Variants in KLF12 observed in about 807,000 individuals in gnomAD.
KLF12 encodes the protein Krueppel-like factor 12.
Under a neutral mutation model 37.8 loss-of-function variants are expected in KLF12, and 9 were observed. The ratio of observed to expected loss-of-function variants is 0.24; its 90% CI spans 0.14 to 0.42. The LOEUF is 0.42. Among genes scored for constraint, KLF12 ranks in the 10% least tolerant of loss-of-function variants. KLF12 has a pLI of 1.00. For missense variants in KLF12, 411 were observed against 516.0 expected, an observed-to-expected ratio of 0.80 and a Z score of 1.97; for synonymous variants, 208 against 202.1, an observed-to-expected ratio of 1.03 and a Z score of -0.25.
chr13:74,224,775 T>A, the KLF12 span, among the ~76,000 whole-genome samples: 2 of 152,258 alleles, frequency 1.3e-5, no homozygotes, highest in South Asian at 4.1e-4. Context: ...AAAGAACATA[T>A]TAAATATAAG....
chr13:74,202,994 A>C, the KLF12 span, among the ~76,000 whole-genome samples: 1 of 152,298 alleles, frequency 6.6e-6, no homozygotes, highest in Middle Eastern at 3.4e-3. Context: ...TATTTGACTT[A>C]AAGTTATTTA....
chr13:74,251,219 T>G, the KLF12 span, among the ~76,000 whole-genome samples: 2 of 152,158 alleles, frequency 1.3e-5, no homozygotes, highest in Non-Finnish European at 2.9e-5. Flanking sequence ...TGGTGTTATC[T>G]GAGCTCACTG....
intron 5 of KLF12, among the ~76,000 whole-genome samples, chr13:73,788,904 T>TAAGTA (rs1206655610): frequency 7.9e-5 from 12 of 152,186 alleles, no homozygotes; most frequent in Non-Finnish European, 8.8e-5. Flanking sequence ...CACAGTATGG[T>TAAGTA]AAGTCTCAGC....
chr13:73,941,380 G>C (rs1033813140), intron 3 of KLF12, among the ~76,000 whole-genome samples: 1 of 152,122 alleles, frequency 6.6e-6, no homozygotes, highest in Non-Finnish European at 1.5e-5. Context: ...AACATAGCAA[G>C]CAAAACTCTA....
chr13:74,224,939 G>A, the KLF12 span, among the ~76,000 whole-genome samples: 1 of 152,132 alleles, frequency 6.6e-6, no homozygotes, highest in Non-Finnish European at 1.5e-5. Flanking sequence ...AGAAAAGGTA[G>A]TGCATTTTGA....
At chr13:73,708,283 A>G (rs1875100343) in intron 7 of KLF12, among the ~76,000 whole-genome samples, 1 of 152,210 alleles carries the variant, frequency 6.6e-6, no homozygotes. Flanking sequence ...ATACAGGATT[A>G]CCTACTGGGC....
the KLF12 span, among the ~76,000 whole-genome samples, chr13:74,254,913 G>A: frequency 3.3e-5 from 5 of 152,060 alleles, no homozygotes; most frequent in African/African-American, 1.2e-4. Context: ...AAGGTGAGGT[G>A]GCCATAAATG....
At chr13:73,774,916 C>CTTTTTTTTTT (rs59877053) in intron 5 of KLF12, among the ~76,000 whole-genome samples, 1 of 130,386 alleles carries the variant, frequency 7.7e-6, no homozygotes. Context: ...CTCTCGCATT[C>CTTTTTTTTTT]TTTTTTTTTT....
upstream of KLF12, among the ~76,000 whole-genome samples, chr13:74,138,579 G>T (rs12430284): frequency 3.3e-5 from 5 of 151,990 alleles, no homozygotes; most frequent in African/African-American, 1.2e-4. Context: ...ATGCCATTTC[G>T]TAACTTTGTT....
chr13:74,068,329 A>G (rs368485450), intron 1 of KLF12, among the ~76,000 whole-genome samples: 1 of 152,238 alleles, frequency 6.6e-6, no homozygotes, highest in South Asian at 2.1e-4. Context: ...TAAGGAAGCT[A>G]TCCTAATTGT....
At chr13:74,262,908 C>T in the KLF12 span, among the ~76,000 whole-genome samples, 1,377 of 152,112 alleles carry the variant, frequency 9.1e-3, 21 homozygotes, top group African/African-American at 0.031. Context: ...AATATGCATT[C>T]GTAATTTTTT....
At chr13:73,883,421 C>T (rs1249978078) in intron 3 of KLF12, among the ~76,000 whole-genome samples, 2 of 152,174 alleles carry the variant, frequency 1.3e-5, no homozygotes, top group Non-Finnish European at 2.9e-5. Context: ...AACGACACGA[C>T]ATCCAATCAA....
chr13:74,301,351 G>A, the KLF12 span, among the ~76,000 whole-genome samples: 1 of 152,038 alleles, frequency 6.6e-6, no homozygotes, highest in Non-Finnish European at 1.5e-5. Context: ...ATAAGTCAGG[G>A]CCATAATTTC....
chr13:73,817,298 AAC>A (rs1486702378), intron 4 of KLF12, among the ~76,000 whole-genome samples: 1 of 148,424 alleles, frequency 6.7e-6, no homozygotes, highest in Admixed American at 6.8e-5. Flanking sequence ...AGGCCTGAGC[AAC>A]AGAGTGAGAT....
At chr13:74,220,127 G>A in the KLF12 span, among the ~76,000 whole-genome samples, 1 of 151,860 alleles carries the variant, frequency 6.6e-6, no homozygotes, top group Admixed American at 6.6e-5. Flanking sequence ...CATTGTTTTG[G>A]TAATCTCTTT....
At chr13:74,189,217 T>G in the KLF12 span, among the ~76,000 whole-genome samples, 16 of 152,138 alleles carry the variant, frequency 1.1e-4, no homozygotes, top group Non-Finnish European at 1.9e-4. Flanking sequence ...CTAACCTTCT[T>G]CCGTAATCTA....
intron 6 of KLF12, among the ~76,000 whole-genome samples, chr13:73,736,839 A>T (rs1376979292): frequency 6.6e-6 from 1 of 152,224 alleles, no homozygotes; most frequent in African/African-American, 2.4e-5. Context: ...ACTCTGAAAG[A>T]GAATGACCAA....
At chr13:74,044,385 T>C (rs1470035679) in intron 1 of KLF12, among the ~76,000 whole-genome samples, 1 of 152,100 alleles carries the variant, frequency 6.6e-6, no homozygotes, top group Non-Finnish European at 1.5e-5. Flanking sequence ...GGCTCTGTGA[T>C]GAAATGAATG....
the KLF12 span, among the ~76,000 whole-genome samples, chr13:74,200,683 A>C: frequency 6.6e-6 from 1 of 152,106 alleles, no homozygotes; most frequent in Non-Finnish European, 1.5e-5. Flanking sequence ...AGAGATCATC[A>C]GGACTGGTTA....
Sources: allele counts gnomAD v4.1 joint callset (sites outside exome capture counted in the v4.1 genomes callset), GRCh38; gene constraint gnomAD v4.1.1; transcripts MANE v1.5; gene names NCBI Gene and HGNC (gene_info 2026-07-23, HGNC 2026-07-21).